ULK4: variants seen among roughly 807,000 people sequenced by gnomAD.
ULK4 encodes the protein inactive serine/threonine-protein kinase ULK4.
Under a neutral mutation model 160.6 loss-of-function variants are expected in ULK4, and 133 were observed. The ratio of observed to expected loss-of-function variants is 0.83; its 90% confidence interval spans 0.72 to 0.96. ULK4 has a LOEUF of 0.96. ULK4 is among the 40% of genes least tolerant of loss of function. The pLI, the probability that ULK4 is intolerant of heterozygous loss-of-function variation, is 0.00. For missense variants in ULK4, 1,580 were observed against 1,499.5 expected (o/e 1.05, Z -0.89); for synonymous variants, 534 against 539.8 (o/e 0.99, Z 0.15).
chr3:41,941,339 GA>G (rs58069829), intron 2 of ULK4, among the ~76,000 whole-genome samples: 5 of 101,238 alleles, frequency 4.9e-5, no homozygotes, highest in African/African-American at 1.5e-4. Context: ...TGCCCAGCTT[GA>G]AAAAAAAAAA....
intron 22 of ULK4, among the ~76,000 whole-genome samples, chr3:41,737,882 G>A (rs562793017): frequency 7.9e-5 from 12 of 151,864 alleles, no homozygotes; most frequent in South Asian, 2.1e-4. Context: ...ATTATTCTTC[G>A]TTTCCTAAAT....
chr3:41,891,358 G>A (rs1265892505), intron 16 of ULK4, among the ~76,000 whole-genome samples: 1 of 139,120 alleles, frequency 7.2e-6, no homozygotes, highest in Non-Finnish European at 1.6e-5. Context: ...AGGGAGGGAG[G>A]GAGGGAGGCA....
intron 31 of ULK4, among the ~76,000 whole-genome samples, chr3:41,612,913 A>C (rs1260723728): frequency 6.6e-6 from 1 of 152,226 alleles, no homozygotes. Context: ...AGCAGGTTTT[A>C]AGTACATCAG....
chr3:41,690,866 C>A (rs2036274218), intron 27 of ULK4, among the ~76,000 whole-genome samples: 1 of 151,854 alleles, frequency 6.6e-6, no homozygotes, highest in Non-Finnish European at 1.5e-5. Flanking sequence ...CCCTCATAAT[C>A]CAAGCTCATA....
chr3:41,335,293 G>A (rs955030494), intron 35 of ULK4, among the ~76,000 whole-genome samples: 8 of 152,160 alleles, frequency 5.3e-5, no homozygotes, highest in African/African-American at 1.9e-4. Flanking sequence ...AAGATGATCT[G>A]CTCCTTGTAA....
chr3:41,908,471 A>T (rs1698657753), intron 11 of ULK4, among the ~76,000 whole-genome samples: 2 of 151,678 alleles, frequency 1.3e-5, no homozygotes. Context: ...TTTGAGATGG[A>T]GTCTTGCTCT....
chr3:41,610,163 A>C (rs2125675655), intron 31 of ULK4, among the ~76,000 whole-genome samples: 1 of 151,590 alleles, frequency 6.6e-6, no homozygotes, highest in African/African-American at 2.4e-5. Flanking sequence ...TTACAGGCAC[A>C]CACCACCACG....
At chr3:41,894,367 T>C (rs564007980) in intron 16 of ULK4, among the ~76,000 whole-genome samples, 4 of 152,328 alleles carry the variant, frequency 2.6e-5, no homozygotes, top group South Asian at 2.1e-4. Flanking sequence ...AGAAGATGTA[T>C]AGTAAGAACT....
At chr3:41,636,905 G>T (rs959886997) in intron 30 of ULK4, among the ~76,000 whole-genome samples, 2 of 152,024 alleles carry the variant, frequency 1.3e-5, no homozygotes, top group African/African-American at 4.8e-5. Flanking sequence ...AATATATACC[G>T]ACAGTGTGCT....
intron 17 of ULK4, among the ~76,000 whole-genome samples, chr3:41,852,272 G>A (rs1200828403): frequency 6.6e-6 from 1 of 152,024 alleles, no homozygotes; most frequent in Non-Finnish European, 1.5e-5. Flanking sequence ...AAAAGTCCAG[G>A]ACCAGAAGGA....
chr3:41,547,396 A>G (rs1464661899), intron 32 of ULK4, among the ~76,000 whole-genome samples: 9 of 152,190 alleles, frequency 5.9e-5, no homozygotes, highest in Non-Finnish European at 1.2e-4. Context: ...GCACAGAAAG[A>G]GAAGTGAGGC....
intron 32 of ULK4, among the ~76,000 whole-genome samples, chr3:41,507,423 TAA>T (rs1387172297): frequency 1.3e-5 from 2 of 151,796 alleles, no homozygotes; most frequent in Non-Finnish European, 2.9e-5. Flanking sequence ...AAGAGAAAAT[TAA>T]AATTCTTTAT....
At chr3:41,591,651 AT>A (rs2125646222) in intron 31 of ULK4, among the ~76,000 whole-genome samples, 1 of 152,368 alleles carries the variant, frequency 6.6e-6, no homozygotes, top group African/African-American at 2.4e-5. Flanking sequence ...ATGAGTAAAT[AT>A]TTTAACTTAT....
intron 16 of ULK4, among the ~76,000 whole-genome samples, chr3:41,893,793 A>T (rs1263326483): frequency 6.6e-6 from 1 of 152,184 alleles, no homozygotes; most frequent in Non-Finnish European, 1.5e-5. Context: ...ATAAAATTAT[A>T]TCATGTGATT....
intron 32 of ULK4, among the ~76,000 whole-genome samples, chr3:41,476,968 C>T (rs1183738917): frequency 1.3e-5 from 2 of 152,106 alleles, no homozygotes; most frequent in South Asian, 2.1e-4. Context: ...AAAGGGCTTC[C>T]GTGCTTTGCA....
intron 32 of ULK4, among the ~76,000 whole-genome samples, chr3:41,511,724 T>TG (rs931858041): frequency 1.3e-5 from 2 of 152,184 alleles, no homozygotes; most frequent in African/African-American, 4.8e-5. Flanking sequence ...AGAGAAGAAC[T>TG]GGTACCAACC....
At chr3:41,956,382 C>G (rs1700486713) in intron 1 of ULK4, among the ~76,000 whole-genome samples, 1 of 152,086 alleles carries the variant, frequency 6.6e-6, no homozygotes, top group African/African-American at 2.4e-5. Context: ...CAGGTGGCTC[C>G]CACACTGTGG....
chr3:41,735,602 GTGGT>G (rs368011639), intron 22 of ULK4, among the ~76,000 whole-genome samples: 190 of 152,128 alleles, frequency 1.2e-3, no homozygotes, highest in Non-Finnish European at 2.4e-3. Flanking sequence ...AATATCACAA[GTGGT>G]TCCTTGCTGA....
At chr3:41,556,465 T>C (rs1441462891) in intron 32 of ULK4, among the ~76,000 whole-genome samples, 4 of 149,692 alleles carry the variant, frequency 2.7e-5, no homozygotes, top group Non-Finnish European at 4.4e-5. Context: ...GCCAGATGAC[T>C]TCGCAAAGAA....
Sources: allele counts gnomAD v4.1 joint callset (sites outside exome capture counted in the v4.1 genomes callset), GRCh38; gene constraint gnomAD v4.1.1; transcripts MANE v1.5; gene names NCBI Gene and HGNC (gene_info 2026-07-23, HGNC 2026-07-21).